HRNR: variants seen among roughly 807,000 people sequenced by gnomAD.
HRNR encodes filaggrin family member 3.
HRNR carries 7 observed loss-of-function variants against 4.8 expected under a neutral mutation model. The ratio of observed to expected loss-of-function variants is 1.47; its 90% CI spans 0.83 to 2.75. The LOEUF (loss-of-function observed/expected upper bound fraction) is 2.75. Ranked by LOEUF, HRNR falls within the 30% of genes most tolerant of loss-of-function variation. The pLI, the probability that HRNR is intolerant of heterozygous loss-of-function variation, is 0.00. For synonymous variants in HRNR, 1,023 were observed against 1,242.7 expected (o/e 0.82, Z 3.72); for missense variants, 2,879 against 3,010.4 (o/e 0.96, Z 1.02).
rs760722907 is a variant in HRNR at position 152,220,503 on chromosome 1, G to A, written c.1126C>T (p.Gln376Ter). Residue 376 changes from glutamine (Q) to a stop codon, truncating the protein, a stop_gained, in exon 3 of 3, where the codon CAA becomes TAA. Transcript: ENST00000368801. LOFTEE classifies it low-confidence loss of function (END_TRUNC). ...GCCTGCCCTGACGTAGATCCATGTT[G>A]TCCCTGGCTAGAGGAGTGACCTGAG... ...SGSGHSSSQG[Q>*]HGSTSGQASS... 75 of 1,612,092 alleles carry A rather than the reference G, an allele frequency of 4.7e-5. No homozygotes were observed. The highest frequency in any genetic ancestry group is 3.3e-4 in the Middle Eastern group (2 of 6,076).
At chr1:152,221,664 T>A (rs1468114393) in intron 2 of HRNR, among the ~76,000 whole-genome samples, 174 bp from the exon 3 acceptor site, 1 of 152,050 alleles carries the variant, frequency 6.6e-6, no homozygotes, top group African/African-American at 2.4e-5. Flanking sequence ...AAAAGGAATA[T>A]GGAATGAATA....
Position 152,213,119 on chromosome 1 carries a change from G to A in HRNR, c.8510C>T (p.Pro2837Leu), listed in dbSNP as rs770826646. The A allele has an allele frequency of 5.3e-5, 86 of 1,613,764 alleles. No homozygotes were observed. The highest frequency in any genetic ancestry group is 7.1e-5 in the Non-Finnish European group (84 of 1,179,996). ...CCTCTGCTCTTGGACATATTCATAG[G>A]GTGAAGTGCTACTAGGAAAACTGAG... is the stretch of plus-strand genomic sequence containing the variant. ...YFLSFPSSTS[P>L]YEYVQEQRCY... is the part of the protein sequence containing the mutation. Residue 2837 changes from proline to leucine, a missense_variant, in exon 3 of 3, where the codon CCC becomes CTC. Around this residue, in one of 8 missense-constraint regions of HRNR, gnomAD observed 158 missense variants for 107.6 expected, o/e 1.47. Transcript: ENST00000368801.
At position 152,212,965 on chromosome 1, in the gene HRNR, C is replaced by G; in HGVS notation, c.*111G>C. The G allele has an allele frequency of 7.0e-7, 1 of 1,420,384 alleles. No individual in the cohort carries two copies. 88.0% of individuals were successfully genotyped at this position (1,420,384 alleles called of 1,614,324 possible). On this transcript the variant is annotated 3_prime_UTR_variant, in exon 3 of 3. Transcript: ENST00000368801. ...AGAAAGAGACAGAAATGCATTGATTCACTTTTAGAACGAATTTCATGATGG... is the reference window on the plus strand; with the variant it reads ...AGAAAGAGACAGAAATGCATTGATTGACTTTTAGAACGAATTTCATGATGG...
chr1:152,219,772 C>G lies in HRNR; in HGVS notation c.1857G>C (p.Gln619His), dbSNP rs879042143. The change falls in exon 3 of 3, where the codon CAG (glutamine) becomes CAC (histidine). Residue 619 changes from glutamine (Q) to histidine (H), a missense_variant. Gln to His is a conservative substitution (Grantham distance 24). Transcript: ENST00000368801. ...CTCCATGTTGGCCACAGCTCGATGA[C>G]TGTCCTGATGTAGAACCATGTTGCC... ...THGQHGSTSG[Q>H]SSSCGQHGAT... The G allele has an allele frequency of 1.1e-5, 18 of 1,613,444 alleles. No homozygotes were observed. Among genetic ancestry groups the G allele is most frequent in the Middle Eastern group, 1.7e-4 (1 of 6,058 alleles).
At chr1:152,222,234 G>A (rs925644449) in intron 2 of HRNR, among the ~76,000 whole-genome samples, 1 of 152,154 alleles carries the variant, frequency 6.6e-6, no homozygotes, top group Admixed American at 6.5e-5. Context: ...AGGAAATTCA[G>A]GATTGCTAGA....
At position 152,218,422 on chromosome 1, in the gene HRNR, G is replaced by A. The variant is rs768129032; in HGVS notation, c.3207C>T (p.Ser1069=). 2 of 1,613,498 alleles carry A rather than the reference G, an allele frequency of 1.2e-6. No individual in the cohort carries two copies. The highest frequency in any genetic ancestry group is 1.7e-5 in the Admixed American group (1 of 59,986). ...QSSGYGQHGS[S]SGHSSTHGQH... ...GCCCATGGGTAGAGGAATGACCTGA[G>A]CTAGATCCATGTTGACCGTAGCCAG... The change falls in exon 3 of 3, where the codon AGC becomes AGT. Residue 1069 remains serine (S), a synonymous_variant. Transcript: ENST00000368801.
Position 152,220,250 on chromosome 1 carries a change from C to A in HRNR, c.1379G>T (p.Gly460Val). The A allele has an allele frequency of 6.2e-7, 1 of 1,613,908 alleles. No homozygotes were observed. The highest frequency in any genetic ancestry group is 1.1e-5 in the South Asian group (1 of 91,074). Residue 460 changes from glycine (G) to valine (V), a missense_variant, in exon 3 of 3, where the codon GGC becomes GTC. Physicochemically the swap from Gly to Val is moderately radical, Grantham distance 109. This residue lies in a region of HRNR where 2,646 missense variants were observed against 1,377.7 expected (regional missense o/e 1.92). Coordinates refer to ENST00000368801, the MANE Select transcript of HRNR (RefSeq NM_001009931.3). ...SSSGPYVSGS[G>V]YSSGFGHHES... ...GTGGTGACCAAAGCCAGAAGAGTAGCCTGAACCAGACACATATGGGCCACT... is the reference window on the plus strand; with the variant it reads ...GTGGTGACCAAAGCCAGAAGAGTAGACTGAACCAGACACATATGGGCCACT...
At position 152,219,717 on chromosome 1, in the gene HRNR, G is replaced by C; in HGVS notation, c.1912C>G (p.Gln638Glu). 3 of 1,613,566 alleles carry C rather than the reference G, an allele frequency of 1.9e-6. No individual in the cohort carries two copies. The highest frequency in any genetic ancestry group is 1.7e-4 in the Middle Eastern group (1 of 6,060). The change falls in exon 3 of 3, where the codon CAG becomes GAG. Residue 638 changes from glutamine to glutamate, a missense_variant. By Grantham distance (29) the Gln-to-Glu change is conservative (BLOSUM62 2). Transcript: ENST00000368801. ...GACTGACTTGAGCCAGAGCCATGCT[G>C]ACCGTGGCTGGAAGACTGACCTGAG... The part of the protein sequence containing the change: ...ATSGQSSSHG[Q>E]HGSGSSQSSR...
At position 152,220,937 on chromosome 1, in the gene HRNR, A is replaced by G; in HGVS notation, c.692T>C (p.Phe231Ser). 6.2e-7 allele frequency: 1 copy of G among 1,612,170 alleles called. No homozygotes were observed. Among genetic ancestry groups the G allele is most frequent in the Non-Finnish European group, 8.5e-7 (1 of 1,178,296 alleles). The change falls in exon 3 of 3, where the codon TTT (phenylalanine) becomes TCT (serine). Residue 231 changes from phenylalanine (F) to serine (S), a missense_variant. Physicochemically the swap from Phe to Ser is radical, Grantham distance 155. Around this residue, in one of 8 missense-constraint regions of HRNR, gnomAD observed 2,646 missense variants for 1,377.7 expected, o/e 1.92. Coordinates refer to ENST00000368801, the MANE Select transcript of HRNR (RefSeq NM_001009931.3). ...CCCTGAGCTAGACTTGTGTTGACTA[A>G]AGCCAGAAGACTGGCCTGAGCCAGA... ...HGSGSGQSSG[F>S]SQHKSSSGQS... is the part of the protein sequence containing the mutation.
At position 152,219,198 on chromosome 1, in the gene HRNR, A is replaced by T. The variant is rs752547097; in HGVS notation, c.2431T>A (p.Ser811Thr). 6.2e-7 allele frequency: 1 copy of T among 1,613,794 alleles called. No homozygotes were observed. The highest frequency in any genetic ancestry group is 8.5e-7 in the Non-Finnish European group (1 of 1,179,942). The change falls in exon 3 of 3, where the codon TCA becomes ACA. Residue 811 changes from serine to threonine, a missense_variant. Around this residue, in one of 8 missense-constraint regions of HRNR, gnomAD observed 2,646 missense variants for 1,377.7 expected, o/e 1.92. Coordinates refer to ENST00000368801, the MANE Select transcript of HRNR (RefSeq NM_001009931.3). ...SSSCGHYESG[S>T]GQASGFGQHE... ...TGCCCAAAACCAGAAGCCTGGCCTG[A>T]GCCAGACTCATAATGGCCACAGCTG... is the stretch of plus-strand genomic sequence containing the variant.
Position 152,218,399 on chromosome 1 carries a change from C to T in HRNR, c.3230G>A (p.Gly1077Glu). 5 of 1,612,624 alleles carry T rather than the reference C, an allele frequency of 3.1e-6. No homozygotes were observed. Among genetic ancestry groups the T allele is most frequent in the Non-Finnish European group, 4.2e-6 (5 of 1,179,910 alleles). Residue 1077 changes from glycine to glutamate, a missense_variant, in exon 3 of 3, where the codon GGG becomes GAG. This residue lies in a region of HRNR where 2,646 missense variants were observed against 1,377.7 expected (regional missense o/e 1.92). Coordinates refer to ENST00000368801, the MANE Select transcript of HRNR (RefSeq NM_001009931.3). ...GSSSGHSSTHGQHGSTSGQSS... is the reference protein window; with the variant it reads ...GSSSGHSSTHEQHGSTSGQSS... ...CTGTCCTGATGTAGAACCGTGTTGCCCATGGGTAGAGGAATGACCTGAGCT... is the reference window on the plus strand; with the variant it reads ...CTGTCCTGATGTAGAACCGTGTTGCTCATGGGTAGAGGAATGACCTGAGCT...
rs1648744980 is a variant in HRNR, at chr1:152,218,455, TC to T, written c.3173del (p.Gly1058AspfsTer104). On this transcript the variant is annotated frameshift_variant, in exon 3 of 3. Transcript: ENST00000368801. LOFTEE classifies it low-confidence loss of function (END_TRUNC). The stretch of plus-strand genomic sequence containing the variant: ...CATGTTGACCGTAGCCAGAGGACTG[TC>T]CTGAGCGAGACTCTCGGTGACCTAA... ...SGLGHRESRS[G>X]QSSGYGQHGS... 3 of 1,612,660 alleles carry T rather than the reference TC, an allele frequency of 1.9e-6. No individual in the cohort carries two copies. Among genetic ancestry groups the T allele is most frequent in the Admixed American group, 1.7e-5 (1 of 59,928 alleles).
chr1:152,219,334 G>T lies in HRNR; in HGVS notation c.2295C>A (p.His765Gln). ...GGCCAGATCCAGACCCTTGTCGGCC[G>T]TGGCCCGAAGATTGATGGGAGCCCG... ...HGSGSHQSSG[H>Q]GRQGSGSGHS... The change falls in exon 3 of 3, where the codon CAC (histidine) becomes CAA (glutamine). Residue 765 changes from histidine to glutamine, a missense_variant. Coordinates refer to ENST00000368801, the MANE Select transcript of HRNR (RefSeq NM_001009931.3). The T allele has an allele frequency of 6.2e-7, 1 of 1,612,698 alleles. No homozygotes were observed. The highest frequency in any genetic ancestry group is 8.5e-7 in the Non-Finnish European group (1 of 1,179,802).
rs150413868 is a variant in HRNR, at chr1:152,215,425, G to A, written c.6204C>T (p.His2068=). Residue 2068 remains histidine (H), a synonymous_variant, in exon 3 of 3, where the codon CAC becomes CAT. Transcript: ENST00000368801. ...QGSGSGQSPG[H]GQRGSGSRQS... ...GCCTTGACCCAGACCCACGCTGGCC[G>A]TGGCCTGGAGACTGGCCAGATCCAG... 1.3e-3 allele frequency: 2,058 copies of A among 1,604,788 alleles called. 3 individuals carry two copies. Among genetic ancestry groups the A allele is most frequent in the African/African-American group, 0.011 (774 of 70,212 alleles).
chr1:152,212,905 C>T lies in HRNR; in HGVS notation c.*171G>A. ...GCCTAACAGTCTTTGGAAGGAACCC[C>T]ATAACAAGATATATGCTACAGTTTT... On this transcript the variant is annotated 3_prime_UTR_variant, in exon 3 of 3. Transcript: ENST00000368801. The T allele has an allele frequency of 3.4e-6, 3 of 876,582 alleles. No individual in the cohort carries two copies. Among genetic ancestry groups the T allele is most frequent in the Non-Finnish European group, 5.1e-6 (3 of 588,646 alleles). The allele number at this position is 876,582 out of a possible 1,614,324, so 54.3% of individuals were successfully genotyped here.
rs1229628127 is a variant in HRNR, at chr1:152,219,551, G to T, written c.2078C>A (p.Ser693Tyr). The part of the protein sequence containing the change: ...GWSSSNGPHG[S>Y]VSGQSSGFGH... ...AAAGCCGGAAGACTGGCCTGAGACA[G>T]ACCCATGTGGGCCATTGCTTGAAGA... Residue 693 changes from serine (S) to tyrosine (Y), a missense_variant, in exon 3 of 3, where the codon TCT becomes TAT. Physicochemically the swap from Ser to Tyr is moderately radical, Grantham distance 144. Around this residue, in one of 8 missense-constraint regions of HRNR, gnomAD observed 2,646 missense variants for 1,377.7 expected, o/e 1.92. Coordinates refer to ENST00000368801, the MANE Select transcript of HRNR (RefSeq NM_001009931.3). The T allele has an allele frequency of 4.3e-6, 7 of 1,613,744 alleles. No individual in the cohort carries two copies. The highest frequency in any genetic ancestry group is 3.4e-6 in the Non-Finnish European group (4 of 1,179,982).
chr1:152,219,867 C>G lies in HRNR; in HGVS notation c.1762G>C (p.Glu588Gln). 1 of 1,613,886 alleles carries G rather than the reference C, an allele frequency of 6.2e-7. No individual in the cohort carries two copies. Among genetic ancestry groups the G allele is most frequent in the Non-Finnish European group, 8.5e-7 (1 of 1,179,970 alleles). Reference sequence around the variant, plus strand: ...CCAGAGGACTGTCCTGAGCGAGACTCTTGGTGACCTAAGCCAGAAGAGTGA... The same window carrying G: ...CCAGAGGACTGTCCTGAGCGAGACTGTTGGTGACCTAAGCCAGAAGAGTGA... Reference protein sequence around the residue: ...SGHSSGLGHQESRSGQSSGYG... With the variant: ...SGHSSGLGHQQSRSGQSSGYG... The change falls in exon 3 of 3, where the codon GAG becomes CAG. Residue 588 changes from glutamate to glutamine, a missense_variant. Transcript: ENST00000368801.
rs144030283 is a variant in HRNR at position 152,221,005 on chromosome 1, G to T, written c.624C>A (p.His208Gln). The T allele has an allele frequency of 3.1e-6, 5 of 1,613,926 alleles. No homozygotes were observed. Among genetic ancestry groups the T allele is most frequent in the East Asian group, 4.5e-5 (2 of 44,860 alleles). The change falls in exon 3 of 3, where the codon CAC (histidine) becomes CAA (glutamine). Residue 208 changes from histidine to glutamine, a missense_variant. By Grantham distance (24) the His-to-Gln change is conservative (BLOSUM62 0). Around this residue, in one of 8 missense-constraint regions of HRNR, gnomAD observed 2,646 missense variants for 1,377.7 expected, o/e 1.92. Transcript: ENST00000368801. ...GSGQSPNYGQ[H>Q]GSGSGQSSSN... ...TGGAAGACTGTCCGGAGCCAGAGCC[G>T]TGTTGGCCATAGTTGGGAGACTGCC...
rs148184849 is a variant in HRNR, at chr1:152,221,054, C to T, written c.575G>A (p.Arg192His). The change falls in exon 3 of 3, where the codon CGC becomes CAC. Residue 192 changes from arginine to histidine, a missense_variant. Physicochemically the swap from Arg to His is conservative, Grantham distance 29 (BLOSUM62 0). Around this residue, in one of 8 missense-constraint regions of HRNR, gnomAD observed 2,646 missense variants for 1,377.7 expected, o/e 1.92. Transcript: ENST00000368801. Reference sequence around the variant, plus strand: ...CCCTGACCCAGACCCACATTGGCCGCGGCCTGAAGACTGATGGGAGTCGGA... The same window carrying T: ...CCCTGACCCAGACCCACATTGGCCGTGGCCTGAAGACTGATGGGAGTCGGA... Reference protein sequence around the residue: ...QNSDSHQSSGRGQCGSGSGQS... With the variant: ...QNSDSHQSSGHGQCGSGSGQS... 64 of 1,613,266 alleles carry T rather than the reference C, an allele frequency of 4.0e-5. No homozygotes were observed. The highest frequency in any genetic ancestry group is 2.2e-4 in the South Asian group (20 of 90,962).
Sources: allele counts gnomAD v4.1 joint callset (sites outside exome capture counted in the v4.1 genomes callset), GRCh38; gene constraint gnomAD v4.1.1; regional missense constraint gnomAD v4.1.1; transcripts MANE v1.5; gene names NCBI Gene and HGNC (gene_info 2026-07-23, HGNC 2026-07-21).